The following ADAMTSL3 variants were observed in gnomAD, a reference collection of about 807,000 sequenced individuals.
ADAMTSL3 encodes ADAMTS like 3.
A neutral mutation model predicts 201.7 loss-of-function variants in ADAMTSL3; 128 were observed. The observed-to-expected ratio is 0.63, with a 90% CI of 0.55 to 0.73. The LOEUF (loss-of-function observed/expected upper bound fraction) is 0.73. ADAMTSL3 is among the 30% of genes least tolerant of loss of function. The probability of loss-of-function intolerance (pLI) is 0.00; values close to 1 mark genes in which losing one functional copy is unlikely to be tolerated. For missense variants in ADAMTSL3, 1,990 were observed against 2,119.6 expected, an observed-to-expected ratio of 0.94 and a Z score of 1.20; for synonymous variants, 738 against 748.4, an observed-to-expected ratio of 0.99 and a Z score of 0.23.
intron 17 of ADAMTSL3, among the ~76,000 whole-genome samples, chr15:83,929,527 CAAAGAACTTATTTCCG>C (rs913623633): frequency 2.0e-5 from 3 of 152,108 alleles, no homozygotes; most frequent in African/African-American, 7.2e-5. Context: ...TGATCATCTG[CAAAGAACTTATTTCCG>C]AATAAGGTCA....
At chr15:83,799,551 C>T (rs571016069) in intron 4 of ADAMTSL3, among the ~76,000 whole-genome samples, 1 of 152,128 alleles carries the variant, frequency 6.6e-6, no homozygotes, top group Non-Finnish European at 1.5e-5. Flanking sequence ...ACTTCTCAGG[C>T]TTTATGACAC....
intron 3 of ADAMTSL3, among the ~76,000 whole-genome samples, chr15:83,711,361 CGGA>C (rs2061931107): frequency 6.6e-6 from 1 of 152,156 alleles, no homozygotes; most frequent in Non-Finnish European, 1.5e-5. Flanking sequence ...TGAAAGAAGA[CGGA>C]CATAGCCCAT....
rs768595996 is a variant in ADAMTSL3 at position 83,913,264 on chromosome 15, T to C, written c.1873T>C (p.Cys625Arg). 6.2e-7 allele frequency: 1 copy of C among 1,614,046 alleles called. No homozygotes were observed. Among genetic ancestry groups the C allele is most frequent in the East Asian group, 2.2e-5 (1 of 44,866 alleles). Reference sequence around the variant, plus strand: ...CGAACGGCCCTGCCTCCTGGAAGCATGTGATGAGAGCCCGGCCTCCCGAGA... The same window carrying C: ...CGAACGGCCCTGCCTCCTGGAAGCACGTGATGAGAGCCCGGCCTCCCGAGA... The part of the protein sequence containing the change: ...PTERPCLLEA[C>R]DESPASRELD... The change falls in exon 16 of 30, where the codon TGT becomes CGT. Residue 625 changes from cysteine (C) to arginine (R), a missense_variant. Physicochemically the swap from Cys to Arg is radical, Grantham distance 180. Transcript: ENST00000286744.
At chr15:83,782,824 G>C (rs1184226419) in intron 4 of ADAMTSL3, among the ~76,000 whole-genome samples, 1 of 151,040 alleles carries the variant, frequency 6.6e-6, no homozygotes, top group African/African-American at 2.4e-5. Flanking sequence ...AACCCCCATG[G>C]GAAAAGTTTA....
At chr15:84,010,882 T>C (rs758175875) in intron 23 of ADAMTSL3, among the ~76,000 whole-genome samples, 5 of 152,194 alleles carry the variant, frequency 3.3e-5, no homozygotes, top group African/African-American at 1.2e-4. Context: ...CACTCTATGT[T>C]CCTCCTTGCA....
At chr15:83,656,250 C>G (rs1040679838) in intron 2 of ADAMTSL3, among the ~76,000 whole-genome samples, 1 of 152,226 alleles carries the variant, frequency 6.6e-6, no homozygotes, top group African/African-American at 2.4e-5. Context: ...ACATATCCCA[C>G]TGTTTTATCC....
At chr15:83,907,913 T>A (rs1472931386) in intron 15 of ADAMTSL3, among the ~76,000 whole-genome samples, 3 of 152,208 alleles carry the variant, frequency 2.0e-5, no homozygotes, top group African/African-American at 4.8e-5. Flanking sequence ...AATTGCTGGA[T>A]CAAACGGCAG....
At position 83,942,662 on chromosome 15, in the gene ADAMTSL3, G is replaced by T; in HGVS notation, c.2184G>T (p.Val728=). 1.9e-6 allele frequency: 3 copies of T among 1,614,104 alleles called. No homozygotes were observed. Among genetic ancestry groups the T allele is most frequent in the Non-Finnish European group, 2.5e-6 (3 of 1,180,002 alleles). Residue 728 remains valine, a synonymous_variant, in exon 18 of 30, where the codon GTG becomes GTT. Transcript: ENST00000286744. ...GAGTTGGAATTCAGACCCGAGATGT[G>T]TACTGCCTGCACCCAGGGGAGACCC... The part of the protein sequence containing the change: ...TCGVGIQTRD[V]YCLHPGETPA...
chr15:84,018,967 A>C (rs1471931558), intron 25 of ADAMTSL3, among the ~76,000 whole-genome samples: 1 of 152,150 alleles, frequency 6.6e-6, no homozygotes, highest in African/African-American at 2.4e-5. Context: ...TACATAAGCC[A>C]TAGACTGGGA....
At chr15:83,788,653 C>T (rs1275151026) in intron 4 of ADAMTSL3, among the ~76,000 whole-genome samples, 1 of 152,136 alleles carries the variant, frequency 6.6e-6, no homozygotes, top group African/African-American at 2.4e-5. Flanking sequence ...CCCCAGTGTT[C>T]TGAAATTTCC....
chr15:83,867,543 T>G (rs2065002867), intron 8 of ADAMTSL3, among the ~76,000 whole-genome samples: 1 of 152,226 alleles, frequency 6.6e-6, no homozygotes, highest in Non-Finnish European at 1.5e-5. Context: ...ATTTTCCCTT[T>G]AAGCCCTATC....
intron 2 of ADAMTSL3, among the ~76,000 whole-genome samples, chr15:83,667,126 G>T (rs1342911197): frequency 6.6e-6 from 1 of 152,000 alleles, no homozygotes; most frequent in African/African-American, 2.4e-5. Context: ...CATGTTGGGA[G>T]AAAATATATG....
intron 23 of ADAMTSL3, among the ~76,000 whole-genome samples, chr15:83,996,453 G>C (rs2401185): frequency 2.6e-5 from 4 of 151,926 alleles, no homozygotes; most frequent in African/African-American, 9.7e-5. Flanking sequence ...TATAGAAATA[G>C]CTTCTCTGAA....
At chr15:83,797,191 A>G (rs565977075) in intron 4 of ADAMTSL3, among the ~76,000 whole-genome samples, 185 of 152,340 alleles carry the variant, frequency 1.2e-3, no homozygotes, top group Non-Finnish European at 1.9e-3. Flanking sequence ...ACTTACCAAT[A>G]AAATAGAAGC....
intron 16 of ADAMTSL3, among the ~76,000 whole-genome samples, chr15:83,915,232 T>C (rs2066013355): frequency 6.6e-6 from 1 of 152,174 alleles, no homozygotes; most frequent in Non-Finnish European, 1.5e-5. Context: ...GTAGAATCCC[T>C]GTTTCATCTT....
At chr15:83,815,470 A>T (rs1034592014) in intron 5 of ADAMTSL3, among the ~76,000 whole-genome samples, 2 of 152,236 alleles carry the variant, frequency 1.3e-5, no homozygotes, top group Non-Finnish European at 2.9e-5. Flanking sequence ...ATATTTCATA[A>T]ATAAGTGTTG....
intron 4 of ADAMTSL3, among the ~76,000 whole-genome samples, chr15:83,792,029 C>T (rs1265512692): frequency 6.6e-6 from 1 of 152,038 alleles, no homozygotes; most frequent in Non-Finnish European, 1.5e-5. Context: ...GGGATTACAT[C>T]AAACCAAAAT....
At chr15:83,888,910 G>A (rs574682650) in intron 10 of ADAMTSL3, among the ~76,000 whole-genome samples, 8 of 152,292 alleles carry the variant, frequency 5.3e-5, no homozygotes, top group African/African-American at 1.9e-4. Flanking sequence ...GACTTTAAAT[G>A]TATTTTTAGA....
intron 2 of ADAMTSL3, among the ~76,000 whole-genome samples, chr15:83,669,662 G>T (rs2061301454): frequency 6.6e-6 from 1 of 150,984 alleles, no homozygotes; most frequent in Non-Finnish European, 1.5e-5. Context: ...TAGAGACGGG[G>T]TTTCACCCTG....
Sources: gnomAD v4.1 joint callset for allele counts (sites outside exome capture counted in the v4.1 genomes callset) on GRCh38, gnomAD v4.1.1 for gene constraint, MANE v1.5 for transcripts, NCBI Gene and HGNC (gene_info 2026-07-23, HGNC 2026-07-21) for gene names.